The following DCAF13 variants were observed in gnomAD, a reference collection of about 807,000 sequenced individuals.
DCAF13 encodes the protein DDB1- and CUL4-associated factor 13.
In DCAF13, 38 loss-of-function variants were observed where a neutral mutation model predicts 59.0. That is an observed-to-expected ratio of 0.64 (90% CI 0.50 to 0.84). The LOEUF (loss-of-function observed/expected upper bound fraction) is 0.84. DCAF13 is among the 40% of genes least tolerant of loss of function. The pLI, the probability that DCAF13 is intolerant of heterozygous loss-of-function variation, is 0.00. For missense variants in DCAF13, 469 were observed against 558.4 expected, an observed-to-expected ratio of 0.84 and a Z score of 1.61; for synonymous variants, 173 against 175.0, an observed-to-expected ratio of 0.99 and a Z score of 0.09.
At position 103,427,267 on chromosome 8, in the gene DCAF13, T is replaced by TA; in HGVS notation, c.624+17dup. The stretch of plus-strand genomic sequence containing the variant: ...ACCCAATTGAGGTAATGTTTTTTTT[T>TA]AAGTATGTTTTACTTATTATGGCTT... On this transcript the variant is annotated intron_variant, in intron 5 of 10. Coordinates refer to ENST00000612750, the MANE Select transcript of DCAF13 (RefSeq NM_015420.7). The TA allele has an allele frequency of 6.2e-7, 1 of 1,600,154 alleles. No homozygotes were observed. The highest frequency in any genetic ancestry group is 8.5e-7 in the Non-Finnish European group (1 of 1,169,678).
chr8:103,421,140 T>C, intron 3 of DCAF13, 58 bp downstream of exon 3: 6 of 1,165,538 alleles, frequency 5.1e-6, no homozygotes, highest in South Asian at 1.3e-5. Flanking sequence ...AATAATCTAA[T>C]TGAATACATT....
intron 1 of DCAF13, among the ~76,000 whole-genome samples, chr8:103,418,868 T>A (rs4634606): frequency 0.053 from 641 of 12,170 alleles, 4 homozygotes; most frequent in East Asian, 0.13. Context: ...ATATATATAT[T>A]TTTTTTTTTT....
At chr8:103,437,616 G>A (rs1816949587) in intron 8 of DCAF13, among the ~76,000 whole-genome samples, 1 of 151,876 alleles carries the variant, frequency 6.6e-6, no homozygotes, top group South Asian at 2.1e-4. Context: ...AGATATAAAT[G>A]GTGTTCCCTC....
chr8:103,428,771 AT>A (rs1205223560), intron 5 of DCAF13: 2 of 152,182 alleles, frequency 1.3e-5, no homozygotes, highest in Non-Finnish European at 2.9e-5. Flanking sequence ...GAACAAAAAA[AT>A]CTTTTGCTTC....
At chr8:103,424,519 G>T (rs1270883737) in intron 3 of DCAF13, among the ~76,000 whole-genome samples, 2 of 152,172 alleles carry the variant, frequency 1.3e-5, no homozygotes, top group East Asian at 1.9e-4. Flanking sequence ...AGCATAACCA[G>T]CCTGGAGATG....
intron 5 of DCAF13, 64 bp from the exon 6 acceptor site, chr8:103,430,548 C>A: frequency 9.4e-7 from 1 of 1,059,710 alleles, no homozygotes; most frequent in Non-Finnish European, 1.4e-6. Context: ...CATTTGTTTA[C>A]TGAATGGATG....
chr8:103,423,339 TACACAC>T (rs909698641), intron 3 of DCAF13, among the ~76,000 whole-genome samples: 1 of 151,536 alleles, frequency 6.6e-6, no homozygotes, highest in East Asian at 1.9e-4. Flanking sequence ...AAAAAAAAAG[TACACAC>T]ACACACGCAC....
chr8:103,441,218 C>T, intron 9 of DCAF13: 1 of 403,378 alleles, frequency 2.5e-6, no homozygotes, highest in Non-Finnish European at 4.4e-6. Flanking sequence ...TCCTTCAGCA[C>T]TGCTGCTTTC....
chr8:103,438,237 A>G (rs1816960064), intron 8 of DCAF13, among the ~76,000 whole-genome samples: 1 of 152,202 alleles, frequency 6.6e-6, no homozygotes, highest in African/African-American at 2.4e-5. Flanking sequence ...ATGAGTCTTC[A>G]AAAGCAGAGC....
At chr8:103,425,920 G>T in intron 3 of DCAF13, 136 bp from the exon 4 acceptor site, 1 of 628,506 alleles carries the variant, frequency 1.6e-6, no homozygotes, top group East Asian at 2.9e-5. Context: ...GGATATAAAT[G>T]GATCAATAAG....
At position 103,442,944 on chromosome 8, in the gene DCAF13, A is replaced by G; in HGVS notation, c.*62A>G. ...TTACTTTTGATTTGAGAACTCTACA[A>G]ATAAAAGTGCTGGGACTAGATTAAT... On this transcript the variant is annotated 3_prime_UTR_variant, in exon 11 of 11. Coordinates refer to ENST00000612750, the MANE Select transcript of DCAF13 (RefSeq NM_015420.7). The G allele has an allele frequency of 8.4e-7, 1 of 1,193,522 alleles. No individual in the cohort carries two copies. The highest frequency in any genetic ancestry group is 1.2e-6 in the Non-Finnish European group (1 of 837,390). 73.9% of individuals were successfully genotyped at this position (1,193,522 alleles called of 1,614,324 possible). A position where few individuals can be genotyped will look rare whatever the true frequency, so the allele number is the denominator to read the frequency against.
At chr8:103,416,590 T>C (rs1376778530) in intron 1 of DCAF13, among the ~76,000 whole-genome samples, 2 of 152,242 alleles carry the variant, frequency 1.3e-5, no homozygotes, top group African/African-American at 4.8e-5. Flanking sequence ...AATCTGTTCC[T>C]GCTTACCTCC....
Position 103,441,566 on chromosome 8 carries a change from A to G in DCAF13, c.1198A>G (p.Ile400Val), listed in dbSNP as rs369578505. The G allele has an allele frequency of 9.3e-6, 15 of 1,609,746 alleles. 1 individual carries two copies. In the South Asian group the frequency reaches 1.0e-4, roughly 11 times the overall value. Residue 400 changes from isoleucine (I) to valine (V), a missense_variant, in exon 10 of 11, where the codon ATC (isoleucine) becomes GTC (valine). Ile to Val is a conservative substitution (Grantham distance 29). Transcript: ENST00000612750. Reference sequence around the variant, plus strand: ...TCGTCATCGACATCTACCAAAATCTATCTATAGCCAGATTCAGGAACAGCG... The same window carrying G: ...TCGTCATCGACATCTACCAAAATCTGTCTATAGCCAGATTCAGGAACAGCG... ...IARHRHLPKS[I>V]YSQIQEQRIM...
intron 6 of DCAF13, among the ~76,000 whole-genome samples, chr8:103,432,367 A>T (rs1178836774): frequency 2.0e-5 from 3 of 152,094 alleles, no homozygotes; most frequent in Non-Finnish European, 4.4e-5. Context: ...CCCTAATTTG[A>T]TACTTAGTCA....
intron 1 of DCAF13, among the ~76,000 whole-genome samples, chr8:103,419,961 A>T (rs967070167): frequency 6.0e-5 from 9 of 149,158 alleles, no homozygotes; most frequent in African/African-American, 1.7e-4. Context: ...GTGAGCCGAG[A>T]TTGCGCCACT....
rs1321239865 is a variant in DCAF13 at position 103,420,428 on chromosome 8, C to G, written c.235C>G (p.Leu79Val). 7.4e-6 allele frequency: 12 copies of G among 1,613,904 alleles called. No homozygotes were observed. Among genetic ancestry groups the G allele is most frequent in the Non-Finnish European group, 1.0e-5 (12 of 1,179,960 alleles). ...VNCLAKHPEK[L>V]ATVLSGACDG... is the part of the protein sequence containing the mutation. ...TTGCTTGGCAAAGCATCCAGAGAAG[C>G]TGGCTACTGTCCTTTCTGGGGCGTG... Residue 79 changes from leucine (L) to valine (V), a missense_variant, in exon 2 of 11, where the codon CTG becomes GTG. Leu to Val is a conservative substitution (Grantham distance 32, BLOSUM62 1). This residue lies in a region of DCAF13 where 355 missense variants were observed against 399.1 expected (regional missense o/e 0.89). Coordinates refer to ENST00000612750, the MANE Select transcript of DCAF13 (RefSeq NM_015420.7).
intron 3 of DCAF13, among the ~76,000 whole-genome samples, chr8:103,423,779 A>G (rs1816753633): frequency 6.6e-6 from 1 of 152,312 alleles, no homozygotes; most frequent in African/African-American, 2.4e-5. Context: ...TACATCATAA[A>G]TATATATCTT....
rs116473907 is a variant in DCAF13, at chr8:103,423,125, T to G, written c.378+2043T>G. Among the ~76,000 whole-genome samples, 1,293 of 152,218 alleles carry G rather than the reference T, an allele frequency of 8.5e-3. 27 individuals are homozygous for G. The highest frequency in any genetic ancestry group is 0.029 in the African/African-American group (1,224 of 41,524). ...GCAAGCCCAGTGTTGTGCAAGGAAT[T>G]GATTGGCAAGTGGGAATGGATGGCA... On this transcript the variant is annotated intron_variant, in intron 3 of 10. Coordinates refer to ENST00000612750, the MANE Select transcript of DCAF13 (RefSeq NM_015420.7).
rs185916745 is a variant in DCAF13 at position 103,426,105 on chromosome 8, A to T, written c.428A>T (p.Tyr143Phe). 8 of 1,612,578 alleles carry T rather than the reference A, an allele frequency of 5.0e-6. No individual in the cohort carries two copies. The highest frequency in any genetic ancestry group is 6.8e-6 in the Non-Finnish European group (8 of 1,179,230). The change falls in exon 4 of 11, where the codon TAT becomes TTT. Residue 143 changes from tyrosine to phenylalanine, a missense_variant. By Grantham distance (22) the Tyr-to-Phe change is conservative (BLOSUM62 3). Around this residue, in one of 3 missense-constraint regions of DCAF13, gnomAD observed 355 missense variants for 399.1 expected, o/e 0.89. Coordinates refer to ENST00000612750, the MANE Select transcript of DCAF13 (RefSeq NM_015420.7). The part of the protein sequence containing the change: ...VKQWKMDGPG[Y>F]GDEEEPLHTI... ...CAGTGGAAAATGGATGGGCCAGGCT[A>T]TGGAGACGAGGAAGAGCCATTACAT...
Sources: gnomAD v4.1 joint callset for allele counts (sites outside exome capture counted in the v4.1 genomes callset) on GRCh38, gnomAD v4.1.1 for gene constraint, gnomAD v4.1.1 regional missense constraint, MANE v1.5 for transcripts, NCBI Gene and HGNC (gene_info 2026-07-23, HGNC 2026-07-21) for gene names.